The following IMMP2L variants were observed in gnomAD, a reference collection of about 807,000 sequenced individuals.
The protein encoded by IMMP2L is inner mitochondrial membrane peptidase subunit 2.
A neutral mutation model predicts 19.3 loss-of-function variants in IMMP2L; 18 were observed. The ratio of observed to expected loss-of-function variants is 0.93; its 90% CI spans 0.64 to 1.38. IMMP2L has a LOEUF of 1.38. Among genes scored for constraint, IMMP2L ranks in the 40% most tolerant of loss-of-function variants. The pLI is 0.00. For synonymous variants in IMMP2L, 76 were observed against 73.0 expected, an observed-to-expected ratio of 1.04 and a Z score of -0.21; for missense variants, 233 against 218.2, an observed-to-expected ratio of 1.07 and a Z score of -0.43.
chr7:111,300,593 T>A (rs183791650), intron 3 of IMMP2L, among the ~76,000 whole-genome samples: 1 of 152,188 alleles, frequency 6.6e-6, no homozygotes. Flanking sequence ...TGTTGTCCTT[T>A]CATAGACACA....
intron 5 of IMMP2L, among the ~76,000 whole-genome samples, chr7:110,873,270 A>C (rs1808706724): frequency 6.6e-6 from 1 of 151,624 alleles, no homozygotes; most frequent in South Asian, 2.1e-4. Flanking sequence ...AAATACAAAA[A>C]AAATTAGGCT....
At chr7:111,398,191 C>A (rs1833060384) in intron 3 of IMMP2L, among the ~76,000 whole-genome samples, 1 of 151,964 alleles carries the variant, frequency 6.6e-6, no homozygotes, top group Non-Finnish European at 1.5e-5. Context: ...AAACTACTGA[C>A]TGATATCCTT....
intron 5 of IMMP2L, among the ~76,000 whole-genome samples, chr7:110,667,374 G>T (rs6466349): frequency 0.98 from 149,138 of 152,276 alleles, 73,102 homozygotes; most frequent in Middle Eastern, 1. Flanking sequence ...GAATGATGCC[G>T]CCCCACCACC....
At chr7:110,903,347 G>A (rs1023073700) in intron 4 of IMMP2L, among the ~76,000 whole-genome samples, 4 of 152,132 alleles carry the variant, frequency 2.6e-5, no homozygotes, top group Non-Finnish European at 4.4e-5. Context: ...TCAGATTTCT[G>A]AATTTCTAGA....
chr7:111,021,333 G>A (rs1001017576), intron 3 of IMMP2L, among the ~76,000 whole-genome samples: 3 of 152,162 alleles, frequency 2.0e-5, no homozygotes, highest in African/African-American at 7.2e-5. Context: ...CTATCTGAAA[G>A]CAGGTATAAA....
intron 5 of IMMP2L, among the ~76,000 whole-genome samples, chr7:110,747,810 C>T (rs567222948): frequency 7.9e-4 from 120 of 152,272 alleles, no homozygotes; most frequent in African/African-American, 2.8e-3. Context: ...TGGGCAAAAA[C>T]TGGAAGCATT....
chr7:111,231,024 CTGTGTGTGTG>C (rs60629485), intron 3 of IMMP2L, among the ~76,000 whole-genome samples: 1 of 146,996 alleles, frequency 6.8e-6, no homozygotes, highest in South Asian at 2.2e-4. Flanking sequence ...TAAGTAGTGG[CTGTGTGTGTG>C]TGTGTGTGTG....
At chr7:111,473,509 C>T (rs1182310092) in intron 3 of IMMP2L, among the ~76,000 whole-genome samples, 1 of 152,086 alleles carries the variant, frequency 6.6e-6, no homozygotes, top group African/African-American at 2.4e-5. Flanking sequence ...GCTAAGTGTC[C>T]CACTGTTGAC....
chr7:110,851,593 C>T (rs1346034547), intron 5 of IMMP2L, among the ~76,000 whole-genome samples: 8 of 152,050 alleles, frequency 5.3e-5, no homozygotes, highest in Admixed American at 5.2e-4. Context: ...ACATCCTTAC[C>T]TCATTTTCCT....
At chr7:111,268,388 AG>A (rs763274444) in intron 3 of IMMP2L, among the ~76,000 whole-genome samples, 1 of 151,264 alleles carries the variant, frequency 6.6e-6, no homozygotes, top group Non-Finnish European at 1.5e-5. Flanking sequence ...GGTTTTGCCC[AG>A]GAACAGGCTT....
chr7:110,856,530 A>G (rs1806791252), intron 5 of IMMP2L, among the ~76,000 whole-genome samples: 1 of 152,092 alleles, frequency 6.6e-6, no homozygotes, highest in African/African-American at 2.4e-5. Context: ...ATACAAATTC[A>G]TGAAAAAGGA....
At position 110,792,176 on chromosome 7, in the gene IMMP2L, C is replaced by G. The variant is rs4730463; in HGVS notation, c.408+94417G>C. ...CAGAGAGAGGCAGACAGGTTTGACA[C>G]GTGCACCCTCTACCCTTAGCTTGTT... On this transcript the variant is annotated intron_variant, in intron 5 of 5. Coordinates refer to ENST00000405709, the MANE Select transcript of IMMP2L (RefSeq NM_032549.4). Among the ~76,000 whole-genome samples the G allele has an allele frequency of 5.9e-5, 9 of 151,642 alleles. 1 individual carries two copies. Among genetic ancestry groups the G allele is most frequent in the African/African-American group, 2.2e-4 (9 of 41,028 alleles).
chr7:111,241,332 G>A (rs527435905), intron 3 of IMMP2L, among the ~76,000 whole-genome samples: 93 of 151,974 alleles, frequency 6.1e-4, no homozygotes, highest in Non-Finnish European at 1.1e-3. Flanking sequence ...ATTCACCACT[G>A]TCTTCTATGT....
intron 5 of IMMP2L, among the ~76,000 whole-genome samples, chr7:110,824,115 C>T (rs4727748): frequency 1.2e-3 from 185 of 152,136 alleles, no homozygotes; most frequent in Admixed American, 2.0e-3. Context: ...GGAGATTTAA[C>T]GCTGCTCAAC....
At chr7:110,678,389 G>A (rs1792475469) in intron 5 of IMMP2L, among the ~76,000 whole-genome samples, 1 of 152,178 alleles carries the variant, frequency 6.6e-6, no homozygotes. Flanking sequence ...TAAAAAGTCT[G>A]AATTGTGTAC....
intron 3 of IMMP2L, among the ~76,000 whole-genome samples, chr7:111,099,008 T>G (rs1797688808): frequency 1.3e-5 from 2 of 151,772 alleles, no homozygotes; most frequent in South Asian, 4.1e-4. Context: ...AAAGGAGTGA[T>G]GCTTTAATTA....
intron 3 of IMMP2L, among the ~76,000 whole-genome samples, chr7:111,298,487 C>T (rs1273475732): frequency 1.3e-5 from 2 of 152,062 alleles, no homozygotes; most frequent in African/African-American, 2.4e-5. Flanking sequence ...CGGTGGCTCT[C>T]GCCTGTAATC....
At chr7:110,795,808 A>G (rs1161661975) in intron 5 of IMMP2L, among the ~76,000 whole-genome samples, 1 of 152,050 alleles carries the variant, frequency 6.6e-6, no homozygotes, top group Non-Finnish European at 1.5e-5. Context: ...AGGCTCTGGG[A>G]TACAGAGAAG....
intron 3 of IMMP2L, among the ~76,000 whole-genome samples, chr7:111,343,720 A>C (rs207468417): frequency 6.6e-6 from 1 of 152,138 alleles, no homozygotes; most frequent in Non-Finnish European, 1.5e-5. Context: ...AACATAGAAT[A>C]AAAATGTATT....
Sources: allele counts gnomAD v4.1 joint callset (sites outside exome capture counted in the v4.1 genomes callset), GRCh38; gene constraint gnomAD v4.1.1; transcripts MANE v1.5; gene names NCBI Gene and HGNC (gene_info 2026-07-23, HGNC 2026-07-21).